Variants in OSBP2 observed in about 807,000 individuals in gnomAD.
The protein encoded by OSBP2 is oxysterol binding protein 2, also known as oxysterol-binding protein 2.
Under a neutral mutation model 96.0 loss-of-function variants are expected in OSBP2, and 66 were observed. The ratio of observed to expected loss-of-function variants is 0.69; its 90% CI spans 0.56 to 0.84. OSBP2 has a LOEUF of 0.84. Ranked by LOEUF, OSBP2 falls within the 40% of genes least tolerant of loss-of-function variation. OSBP2 has a pLI of 0.00. For missense variants in OSBP2, 1,038 were observed against 1,222.7 expected, an observed-to-expected ratio of 0.85 and a Z score of 2.25; for synonymous variants, 525 against 520.9, an observed-to-expected ratio of 1.01 and a Z score of -0.11.
chr22:30,811,171 C>A (rs2091001009), intron 2 of OSBP2, among the ~76,000 whole-genome samples: 1 of 148,428 alleles, frequency 6.7e-6, no homozygotes, highest in Non-Finnish European at 1.5e-5. Flanking sequence ...ACAACCCCCC[C>A]CCCACACATA....
chr22:30,873,582 C>G (rs1032830318), intron 3 of OSBP2, among the ~76,000 whole-genome samples: 1 of 152,178 alleles, frequency 6.6e-6, no homozygotes, highest in Non-Finnish European at 1.5e-5. Context: ...GGGGGCCCCA[C>G]TGCAACTCCA....
intron 3 of OSBP2, 21 bp from the exon 4 acceptor site, chr22:30,887,405 C>A: frequency 1.2e-6 from 2 of 1,603,986 alleles, no homozygotes; most frequent in Non-Finnish European, 1.7e-6. Context: ...GGGTCTCATA[C>A]CGCCACTCCT....
At position 30,737,191 on chromosome 22, in the gene OSBP2, T is replaced by C. The variant is rs542648821; in HGVS notation, c.645-3970T>C. Among the ~76,000 whole-genome samples the C allele has an allele frequency of 1.3e-3, 200 of 152,186 alleles. 1 individual carries two copies. The highest frequency in any genetic ancestry group is 4.7e-3 in the African/African-American group (195 of 41,522). ...TCACCACACCTGGCTAATTTTTCTA[T>C]TATTAGTAGAGATGGGATTTCACCA... On this transcript the variant is annotated intron_variant, in intron 1 of 13. Coordinates refer to ENST00000332585, the MANE Select transcript of OSBP2 (RefSeq NM_030758.4).
intron 2 of OSBP2, among the ~76,000 whole-genome samples, chr22:30,846,334 ACAGGGTCTCACCATATTGGCCAGG>A (rs2038870370): frequency 6.6e-6 from 1 of 151,984 alleles, no homozygotes; most frequent in African/African-American, 2.4e-5. Flanking sequence ...TTTAGTAGAG[ACAGGGTCTCACCATATTGGCCAGG>A]CAGGCTGGTC....
chr22:30,739,350 C>T (rs930253618), intron 1 of OSBP2, among the ~76,000 whole-genome samples: 1 of 152,128 alleles, frequency 6.6e-6, no homozygotes, highest in Non-Finnish European at 1.5e-5. Context: ...AAAAGGGCAG[C>T]ATCAGGGAGA....
At chr22:30,758,020 A>G (rs1001648791) in intron 2 of OSBP2, among the ~76,000 whole-genome samples, 2 of 152,168 alleles carry the variant, frequency 1.3e-5, no homozygotes, top group African/African-American at 2.4e-5. Context: ...CAGAGTCTGG[A>G]CAGCAAGAGT....
intron 6 of OSBP2, 116 bp from the exon 7 acceptor site, chr22:30,889,374 G>A: frequency 6.9e-7 from 1 of 1,440,468 alleles, no homozygotes; most frequent in Non-Finnish European, 9.7e-7. Flanking sequence ...CCTTCCACCA[G>A]CAGCGTACCA....
intron 2 of OSBP2, among the ~76,000 whole-genome samples, chr22:30,757,469 G>T (rs1161880884): frequency 6.6e-6 from 1 of 151,780 alleles, no homozygotes; most frequent in Non-Finnish European, 1.5e-5. Context: ...CCAAGCTGGA[G>T]TACAATGGCA....
chr22:30,793,875 T>A (rs1483883061), intron 2 of OSBP2, among the ~76,000 whole-genome samples: 1 of 152,180 alleles, frequency 6.6e-6, no homozygotes, highest in Non-Finnish European at 1.5e-5. Context: ...ACACCCATGT[T>A]CATACAGCAT....
intron 2 of OSBP2, among the ~76,000 whole-genome samples, chr22:30,814,588 T>G (rs2091057532): frequency 6.6e-6 from 1 of 151,898 alleles, no homozygotes; most frequent in African/African-American, 2.4e-5. Context: ...ATGCCACCAC[T>G]CTCAGCTATT....
At chr22:30,827,457 A>T (rs2038427649) in intron 2 of OSBP2, among the ~76,000 whole-genome samples, 1 of 152,196 alleles carries the variant, frequency 6.6e-6, no homozygotes, top group South Asian at 2.1e-4. Flanking sequence ...TCTTAAAATG[A>T]TGGCAGTAAT....
chr22:30,803,128 C>T, intron 2 of OSBP2: 1 of 203,550 alleles, frequency 4.9e-6, no homozygotes, highest in Non-Finnish European at 9.7e-6. Flanking sequence ...CAAGAGCCCT[C>T]GCAGCCTCGG....
intron 2 of OSBP2, among the ~76,000 whole-genome samples, chr22:30,867,763 G>A (rs1489500431): frequency 6.6e-6 from 1 of 152,216 alleles, no homozygotes; most frequent in Non-Finnish European, 1.5e-5. Context: ...GCTTCCACCT[G>A]CCACACAGAA....
chr22:30,898,380 G>T (rs554349474), intron 12 of OSBP2, among the ~76,000 whole-genome samples: 2 of 152,088 alleles, frequency 1.3e-5, no homozygotes, highest in African/African-American at 4.8e-5. Context: ...TTGGCTAGAC[G>T]TGGTGGTTCA....
intron 2 of OSBP2, among the ~76,000 whole-genome samples, chr22:30,844,891 A>G (rs1033963284): frequency 6.6e-6 from 1 of 152,124 alleles, no homozygotes; most frequent in African/African-American, 2.4e-5. Context: ...TCTTTCTTTC[A>G]CCTGAACACT....
At chr22:30,802,510 C>T (rs1408745609) in intron 2 of OSBP2, among the ~76,000 whole-genome samples, 1 of 152,250 alleles carries the variant, frequency 6.6e-6, no homozygotes, top group African/African-American at 2.4e-5. Context: ...AGGGCCGGCC[C>T]TCTCCAGCCT....
At chr22:30,804,382 T>C (rs1233169353) in intron 2 of OSBP2, among the ~76,000 whole-genome samples, 1 of 152,232 alleles carries the variant, frequency 6.6e-6, no homozygotes, top group East Asian at 1.9e-4. Flanking sequence ...GTTCCGTCTA[T>C]CTAGCTTAAG....
At chr22:30,840,324 G>GA (rs907220395) in intron 2 of OSBP2, among the ~76,000 whole-genome samples, 58 of 130,986 alleles carry the variant, frequency 4.4e-4, no homozygotes, top group African/African-American at 1.4e-3. Flanking sequence ...AAAGAAAAAG[G>GA]AAAAAAAAAA....
chr22:30,766,015 G>A (rs1327719431), intron 2 of OSBP2, among the ~76,000 whole-genome samples: 2 of 152,118 alleles, frequency 1.3e-5, no homozygotes, highest in Non-Finnish European at 2.9e-5. Context: ...TGGGAGGATC[G>A]CTTGAGGCCA....
Sources: gnomAD v4.1 joint callset for allele counts (sites outside exome capture counted in the v4.1 genomes callset) on GRCh38, gnomAD v4.1.1 for gene constraint, MANE v1.5 for transcripts, NCBI Gene and HGNC (gene_info 2026-07-23, HGNC 2026-07-21) for gene names.